The following RELN variants were observed in gnomAD, a reference collection of about 807,000 sequenced individuals.
The protein encoded by RELN is reelin.
Under a neutral mutation model 427.6 loss-of-function variants are expected in RELN, and 108 were observed. The ratio of observed to expected loss-of-function variants is 0.25; its 90% CI spans 0.22 to 0.30. RELN has a LOEUF of 0.30. Among genes scored for constraint, RELN ranks in the 10% least tolerant of loss-of-function variants. The probability of loss-of-function intolerance (pLI) is 1.00; values close to 1 mark genes in which losing one functional copy is unlikely to be tolerated. For missense variants in RELN, 3,715 were observed against 4,302.8 expected, an observed-to-expected ratio of 0.86 and a Z score of 3.82; for synonymous variants, 1,524 against 1,513.4, an observed-to-expected ratio of 1.01 and a Z score of -0.16.
At chr7:103,914,563 TG>T (rs1271570790) in intron 2 of RELN, among the ~76,000 whole-genome samples, 1 of 152,132 alleles carries the variant, frequency 6.6e-6, no homozygotes, top group African/African-American at 2.4e-5. Context: ...TTTTATCGAG[TG>T]TTTTTTTATG....
intron 51 of RELN, among the ~76,000 whole-genome samples, chr7:103,505,258 G>T (rs73414165): frequency 1.4e-4 from 21 of 152,276 alleles, no homozygotes; most frequent in African/African-American, 4.3e-4. Context: ...CCTGACCCCT[G>T]TGTATCCTGA....
intron 10 of RELN, among the ~76,000 whole-genome samples, chr7:103,683,031 T>G (rs1437547665): frequency 2.0e-5 from 3 of 151,762 alleles, no homozygotes; most frequent in Non-Finnish European, 4.4e-5. Flanking sequence ...TGCATTAACA[T>G]TTTTTGGTAA....
chr7:103,717,485 A>C (rs891780918), intron 8 of RELN, among the ~76,000 whole-genome samples: 5 of 151,332 alleles, frequency 3.3e-5, no homozygotes, highest in Middle Eastern at 6.8e-3. Flanking sequence ...TAAAACAAAA[A>C]AAAAAATTTG....
At chr7:103,848,470 T>C (rs1023664416) in intron 2 of RELN, among the ~76,000 whole-genome samples, 4 of 152,032 alleles carry the variant, frequency 2.6e-5, no homozygotes, top group Admixed American at 2.6e-4. Flanking sequence ...ATGGGACAGG[T>C]CCAACATAAA....
intron 1 of RELN, among the ~76,000 whole-genome samples, chr7:103,980,573 G>C (rs905440884): frequency 2.0e-5 from 3 of 152,034 alleles, no homozygotes; most frequent in Admixed American, 6.6e-5. Flanking sequence ...ATGGATTCTG[G>C]AGAACTACAC....
rs150772220 is a variant in RELN, at chr7:103,800,074, C to T, written c.474-23447G>A. On this transcript the variant is annotated intron_variant, in intron 3 of 64. Coordinates refer to ENST00000428762, the MANE Select transcript of RELN (RefSeq NM_005045.4). Reference sequence around the variant, plus strand: ...TGGAAGCGTTCCCTTTGAAAACTGGCACAAGACAGGGATGCCCTCTCTCAC... The same window carrying T: ...TGGAAGCGTTCCCTTTGAAAACTGGTACAAGACAGGGATGCCCTCTCTCAC... Among the ~76,000 whole-genome samples, 7 of 152,270 alleles carry T rather than the reference C, an allele frequency of 4.6e-5. No homozygotes were observed. The East Asian group carries it at 1.2e-3, about 25-fold the overall frequency.
chr7:103,943,848 C>CAAAAAAAAA lies in RELN; in HGVS notation c.227-26672_227-26664dup, dbSNP rs10631941. On this transcript the variant is annotated intron_variant, in intron 1 of 64. Transcript: ENST00000428762. ...GGGGAATGGAGCAAGATTCTGTCTC[C>CAAAAAAAAA]AAAAAAAAAAAAAAAAAAAAAGAAT... 4.3e-4 allele frequency among the ~76,000 whole-genome samples: 33 copies of CAAAAAAAAA among 76,430 alleles called. 3 individuals carry two copies. The highest frequency in any genetic ancestry group is 5.8e-4 in the Non-Finnish European group (26 of 44,704). The allele number at this position is 76,430 out of a possible 152,430, so 50.1% of individuals were successfully genotyped here. A position where few individuals can be genotyped will look rare whatever the true frequency, so the allele number is the denominator to read the frequency against.
At chr7:103,510,336 AG>A (rs949260021) in intron 51 of RELN, among the ~76,000 whole-genome samples, 8 of 152,258 alleles carry the variant, frequency 5.3e-5, no homozygotes, top group African/African-American at 1.9e-4. Context: ...TGTCCTTTGC[AG>A]GGACATGGAT....
chr7:103,930,721 CCTCCCCAAAGTA>C lies in RELN; in HGVS notation c.227-13548_227-13537del, dbSNP rs530969689. Among the ~76,000 whole-genome samples the C allele has an allele frequency of 2.6e-5, 4 of 152,262 alleles. No individual in the cohort carries two copies. In the East Asian group the frequency reaches 7.7e-4, roughly 29 times the overall value. On this transcript the variant is annotated intron_variant, in intron 1 of 64. Transcript: ENST00000428762. ...GGCTCAAGCGATCCTCCTGTCTTGGCCTCCCCAAAGTACTGGGATTATAGGCATGAGCCACCG... is the reference window on the plus strand; with the variant it reads ...GGCTCAAGCGATCCTCCTGTCTTGGCCTGGGATTATAGGCATGAGCCACCG...
At chr7:103,660,910 T>G (rs1833125920) in intron 12 of RELN, among the ~76,000 whole-genome samples, 2 of 152,208 alleles carry the variant, frequency 1.3e-5, no homozygotes, top group South Asian at 4.1e-4. Flanking sequence ...TCTTAATGTG[T>G]TTGCAAACAT....
At chr7:103,916,295 T>G (rs541542727) in intron 2 of RELN, among the ~76,000 whole-genome samples, 1 of 152,352 alleles carries the variant, frequency 6.6e-6, no homozygotes, top group South Asian at 2.1e-4. Flanking sequence ...ACTTTGTGTC[T>G]GATAATGCAA....
At chr7:103,887,231 G>A (rs1794743637) in intron 2 of RELN, among the ~76,000 whole-genome samples, 1 of 152,164 alleles carries the variant, frequency 6.6e-6, no homozygotes, top group Non-Finnish European at 1.5e-5. Context: ...ACCCCAGACA[G>A]CCTCATGATT....
Position 103,631,727 on chromosome 7 carries a change from G to A in RELN, c.2466-1551C>T, listed in dbSNP as rs183272195. Among the ~76,000 whole-genome samples the A allele has an allele frequency of 7.2e-5, 11 of 152,154 alleles. No individual in the cohort carries two copies. The East Asian group carries it at 1.9e-3, about 27-fold the overall frequency. ...AGGTTTTGTTAAATTAAGTATTTTA[G>A]TAATTTTCAATTTTAATTTTTCAAA... On this transcript the variant is annotated intron_variant, in intron 19 of 64. Transcript: ENST00000428762.
chr7:103,710,743 G>A (rs1395423320), intron 8 of RELN, among the ~76,000 whole-genome samples: 1 of 152,170 alleles, frequency 6.6e-6, no homozygotes, highest in Non-Finnish European at 1.5e-5. Context: ...CACAGGAAAG[G>A]TGATTTGAGA....
chr7:103,542,819 C>T lies in RELN; in HGVS notation c.6583G>A (p.Gly2195Arg). 6.2e-7 allele frequency: 1 copy of T among 1,614,016 alleles called. No individual in the cohort carries two copies. Among genetic ancestry groups the T allele is most frequent in the Non-Finnish European group, 8.5e-7 (1 of 1,179,946 alleles). The stretch of plus-strand genomic sequence containing the variant: ...AGGTTGTTTCCACTAGAAAGGATTC[C>T]ACACTTTCGAGATGGTTTCCCACCA... ...MSGGKPSRKC[G>R]ILSSGNNLFF... is the part of the protein sequence containing the mutation. The change falls in exon 43 of 65, where the codon GGA becomes AGA. Residue 2195 changes from glycine (G) to arginine (R), a missense_variant. Physicochemically the swap from Gly to Arg is moderately radical, Grantham distance 125 (BLOSUM62 -2). This residue lies in a region of RELN where 1,310 missense variants were observed against 1,643.0 expected (regional missense o/e 0.80). Transcript: ENST00000428762.
At chr7:103,517,110 C>T (rs1290184367) in intron 49 of RELN, among the ~76,000 whole-genome samples, 1 of 151,896 alleles carries the variant, frequency 6.6e-6, no homozygotes, top group African/African-American at 2.4e-5. Context: ...ACCCTTTATG[C>T]AGAGTCTTTT....
intron 28 of RELN, among the ~76,000 whole-genome samples, chr7:103,578,223 TTA>T: frequency 6.6e-6 from 1 of 152,312 alleles, no homozygotes; most frequent in South Asian, 2.1e-4. Context: ...TTGTTTGCAG[TTA>T]TAGATCCTAA....
At chr7:103,545,745 G>A (rs1392592530) in intron 41 of RELN, among the ~76,000 whole-genome samples, 2 of 151,864 alleles carry the variant, frequency 1.3e-5, no homozygotes, top group East Asian at 1.9e-4. Flanking sequence ...GGGTTCAAGC[G>A]ATTCTCCTGC....
chr7:103,678,084 C>T (rs560511105), intron 11 of RELN, among the ~76,000 whole-genome samples: 2 of 152,218 alleles, frequency 1.3e-5, no homozygotes, highest in East Asian at 3.9e-4. Context: ...GTCTTGATTC[C>T]AGCTTTTAAT....
Sources: gnomAD v4.1 joint callset for allele counts (sites outside exome capture counted in the v4.1 genomes callset) on GRCh38, gnomAD v4.1.1 for gene constraint, gnomAD v4.1.1 regional missense constraint, MANE v1.5 for transcripts, NCBI Gene and HGNC (gene_info 2026-07-23, HGNC 2026-07-21) for gene names.